The following ROBO3 variants were observed in gnomAD, a reference collection of about 807,000 sequenced individuals.
The protein encoded by ROBO3 is roundabout homolog 3.
A neutral mutation model predicts 160.5 loss-of-function variants in ROBO3; 97 were observed. The observed-to-expected ratio is 0.60, with a 90% CI of 0.51 to 0.72. The LOEUF (loss-of-function observed/expected upper bound fraction) is 0.72. Among genes scored for constraint, ROBO3 ranks in the 30% least tolerant of loss-of-function variants. The probability of loss-of-function intolerance (pLI) is 0.00; values close to 1 mark genes in which losing one functional copy is unlikely to be tolerated. For missense variants in ROBO3, 1,858 were observed against 1,846.5 expected, an observed-to-expected ratio of 1.01 and a Z score of -0.11; for synonymous variants, 780 against 746.2, an observed-to-expected ratio of 1.05 and a Z score of -0.74.
rs1485956683 is a variant in ROBO3 at position 124,877,648 on chromosome 11, A to C, written c.2976A>C (p.Arg992Ser). Residue 992 changes from arginine to serine, a missense_variant, in exon 20 of 28, where the codon AGA (arginine) becomes AGC (serine). Transcript: ENST00000397801. ...CCPSNPDPDDRYYNEAGISLY... is the reference protein window; with the variant it reads ...CCPSNPDPDDSYYNEAGISLY... ...CTAGCAATCCTGACCCGGACGACAG[A>C]TATTACAACGGTGAGGAGTTCTCAT... 1 of 1,611,118 alleles carries C rather than the reference A, an allele frequency of 6.2e-7. No individual in the cohort carries two copies. Among genetic ancestry groups the C allele is most frequent in the Non-Finnish European group, 8.5e-7 (1 of 1,178,790 alleles).
At position 124,877,563 on chromosome 11, in the gene ROBO3, A is replaced by T. The variant is rs369206000; in HGVS notation, c.2891A>T (p.Asp964Val). 6.2e-7 allele frequency: 1 copy of T among 1,602,030 alleles called. No homozygotes were observed. The highest frequency in any genetic ancestry group is 8.5e-7 in the Non-Finnish European group (1 of 1,174,908). Residue 964 changes from aspartate to valine, a missense_variant, in exon 20 of 28, where the codon GAT (aspartate) becomes GTT (valine). Coordinates refer to ENST00000397801, the MANE Select transcript of ROBO3 (RefSeq NM_022370.4). ...LGPAPYSWLA[D>V]SWPHPSRSPS... is the part of the protein sequence containing the mutation. The stretch of plus-strand genomic sequence containing the variant: ...CCCGCCCCCTACTCATGGCTGGCAG[A>T]TTCGTGGCCCCACCCATCTCGAAGC...
rs1046407844 is a variant in ROBO3 at position 124,872,026 on chromosome 11, G to A, written c.1159-355G>A. On this transcript the variant is annotated intron_variant, in intron 7 of 27. Coordinates refer to ENST00000397801, the MANE Select transcript of ROBO3 (RefSeq NM_022370.4). The surrounding 1 kb of genome is among the most constrained non-coding windows in gnomAD (Gnocchi z 4.3). The stretch of plus-strand genomic sequence containing the variant: ...GTTCAAGCAGGAAGAAGAGGAATGT[G>A]TTTACCACAACGTGTTAGAAGACTT... Among the ~76,000 whole-genome samples the A allele has an allele frequency of 1.3e-5, 2 of 152,160 alleles. No individual in the cohort carries two copies. Among genetic ancestry groups the A allele is most frequent in the African/African-American group, 2.4e-5 (1 of 41,436 alleles).
intron 12 of ROBO3, among the ~76,000 whole-genome samples, 190 bp from the exon 13 acceptor site, chr11:124,874,598 C>A (rs116131104): frequency 6.6e-6 from 1 of 152,288 alleles, no homozygotes; most frequent in African/African-American, 2.4e-5. Context: ...TTAAAGGATG[C>A]ATGTGTAATT....
chr11:124,868,852 C>A lies in ROBO3; in HGVS notation c.211C>A (p.Pro71Thr). 6.2e-7 allele frequency: 1 copy of A among 1,610,120 alleles called. No homozygotes were observed. The highest frequency in any genetic ancestry group is 1.1e-5 in the South Asian group (1 of 90,238). The change falls in exon 2 of 28, where the codon CCA (proline) becomes ACA (threonine). Residue 71 changes from proline (P) to threonine (T), a missense_variant. By Grantham distance (38) the Pro-to-Thr change is conservative (BLOSUM62 -1). Transcript: ENST00000397801. ...DAMPRIVEQP[P>T]DLLVSRGEPA... Reference sequence around the variant, plus strand: ...TATGCCCCGCATCGTGGAGCAGCCGCCAGATCTGCTGGTCTCCCGAGGCGA... The same window carrying A: ...TATGCCCCGCATCGTGGAGCAGCCGACAGATCTGCTGGTCTCCCGAGGCGA...
Position 124,876,934 on chromosome 11 carries a change from T to C in ROBO3, c.2780-227T>C. The C allele has an allele frequency of 1.6e-6, 1 of 627,504 alleles. No individual in the cohort carries two copies. The highest frequency in any genetic ancestry group is 1.9e-5 in the South Asian group (1 of 53,592). 38.9% of individuals were successfully genotyped at this position (627,504 alleles called of 1,614,324 possible). On this transcript the variant is annotated intron_variant, in intron 17 of 27. Transcript: ENST00000397801. This position sits in a 1 kb window ranked among gnomAD's most constrained non-coding sequence, Gnocchi z 5.3. ...TGGAGAGATTCTGAGGTGTTTGAGG[T>C]CAGTGGTTTTCAATCTTGGTTGGCT...
Position 124,877,671 on chromosome 11 carries a change from C to T in ROBO3, c.2986+13C>T, listed in dbSNP as rs1158408830. 6.2e-7 allele frequency: 1 copy of T among 1,609,320 alleles called. No homozygotes were observed. Among genetic ancestry groups the T allele is most frequent in the Admixed American group, 1.7e-5 (1 of 59,480 alleles). On this transcript the variant is annotated intron_variant, in intron 20 of 27. Coordinates refer to ENST00000397801, the MANE Select transcript of ROBO3 (RefSeq NM_022370.4). ...AGATATTACAACGGTGAGGAGTTCTCATTCCCTCACCTGGCTTCAGCGCAC... is the reference window on the plus strand; with the variant it reads ...AGATATTACAACGGTGAGGAGTTCTTATTCCCTCACCTGGCTTCAGCGCAC...
At chr11:124,874,940 T>G in intron 13 of ROBO3, 31 bp downstream of exon 13, 1 of 1,592,924 alleles carries the variant, frequency 6.3e-7, no homozygotes, top group Non-Finnish European at 8.6e-7. Context: ...AGATTCAGGG[T>G]GGGGATGATT....
chr11:124,881,359 C>T lies in ROBO3; in HGVS notation c.*109C>T. 1 of 1,109,168 alleles carries T rather than the reference C, an allele frequency of 9.0e-7. No homozygotes were observed. The highest frequency in any genetic ancestry group is 1.3e-6 in the Non-Finnish European group (1 of 752,004). 68.7% of individuals were successfully genotyped at this position (1,109,168 alleles called of 1,614,324 possible). A position where few individuals can be genotyped will look rare whatever the true frequency, so the allele number is the denominator to read the frequency against. ...GGGCTAGCTGAAGCCCATTGGTTTC[C>T]ACGATTTCAATTGGCTGAGAAGGCA... On this transcript the variant is annotated 3_prime_UTR_variant, in exon 28 of 28. Transcript: ENST00000397801.
chr11:124,878,220 C>T lies in ROBO3; in HGVS notation c.3182-78C>T, dbSNP rs1380972382. On this transcript the variant is annotated intron_variant, in intron 21 of 27. Coordinates refer to ENST00000397801, the MANE Select transcript of ROBO3 (RefSeq NM_022370.4). The surrounding 1 kb of genome is among the most constrained non-coding windows in gnomAD (Gnocchi z 4.3). ...CTCCCTGACCCTCTGGCACCTAGCC[C>T]GGCACTTCCTTCTGACCTGTCTCAT... 4 of 1,578,382 alleles carry T rather than the reference C, an allele frequency of 2.5e-6. No homozygotes were observed. Among genetic ancestry groups the T allele is most frequent in the Non-Finnish European group, 3.5e-6 (4 of 1,157,924 alleles).
chr11:124,873,372 C>G lies in ROBO3; in HGVS notation c.1599C>G (p.Ser533Arg), dbSNP rs752023556. 1.2e-6 allele frequency: 2 copies of G among 1,612,172 alleles called. No individual in the cohort carries two copies. Among genetic ancestry groups the G allele is most frequent in the African/African-American group, 1.3e-5 (1 of 74,908 alleles). ...GTTCCACAGGGGAAGCCACATGGAG[C>G]GGCTGGCTTAAGATGCGGGGTGAGT... ...AKSSTGEATW[S>R]GWLKMREDWG... The change falls in exon 10 of 28, where the codon AGC (serine) becomes AGG (arginine). Residue 533 changes from serine to arginine, a missense_variant. Ser to Arg is a moderately radical substitution (Grantham distance 110). Transcript: ENST00000397801. The surrounding 1 kb of genome is among the most constrained non-coding windows in gnomAD (Gnocchi z 4.5).
chr11:124,873,984 G>A lies in ROBO3; in HGVS notation c.1785-86G>A. On this transcript the variant is annotated intron_variant, in intron 11 of 27. Transcript: ENST00000397801. This position sits in a 1 kb window ranked among gnomAD's most constrained non-coding sequence, Gnocchi z 4.5. ...CCCTCTTGCAAGGGGAAGACATAAT[G>A]GTCGTTCATAGAGAGTGGATGAGAT... The A allele has an allele frequency of 2.5e-6, 4 of 1,587,968 alleles. No individual in the cohort carries two copies. The highest frequency in any genetic ancestry group is 1.1e-5 in the South Asian group (1 of 88,876).
In ROBO3 at chr11:124,872,860, G is replaced by A; in HGVS notation, c.1331-24G>A. 1.3e-6 allele frequency: 2 copies of A among 1,559,678 alleles called. No individual in the cohort carries two copies. Among genetic ancestry groups the A allele is most frequent in the Middle Eastern group, 2.4e-4 (1 of 4,224 alleles). ...CGGGGCCCTAAGCTCCTCCCCTGAG[G>A]TGCACACGTTCTTCCTCTCTCAGCC... On this transcript the variant is annotated intron_variant, in intron 8 of 27. Transcript: ENST00000397801. The surrounding 1 kb of genome is among the most constrained non-coding windows in gnomAD (Gnocchi z 4.3).
Position 124,869,428 on chromosome 11 carries a change from C to CGGG in ROBO3, c.488-21_488-20insGGG. On this transcript the variant is annotated intron_variant, in intron 2 of 27. Transcript: ENST00000397801. This position sits in a 1 kb window ranked among gnomAD's most constrained non-coding sequence, Gnocchi z 4.2. ...ATGTCACTCTACACCCTGCTTATTTCGCCCCCCACCGCCCCGCCCAGTCCT... is the reference window on the plus strand; with the variant it reads ...ATGTCACTCTACACCCTGCTTATTTCGGGGCCCCCCACCGCCCCGCCCAGTCCT... The CGGG allele has an allele frequency of 5.1e-6, 7 of 1,383,810 alleles. No homozygotes were observed. Among genetic ancestry groups the CGGG allele is most frequent in the Non-Finnish European group, 5.9e-6 (6 of 1,012,428 alleles). 85.7% of individuals were successfully genotyped at this position (1,383,810 alleles called of 1,614,324 possible).
chr11:124,877,493 C>T, intron 19 of ROBO3, 26 bp from the exon 20 acceptor site: 1 of 1,600,246 alleles, frequency 6.2e-7, no homozygotes, highest in Non-Finnish European at 8.5e-7. Context: ...GCTCTCCGTC[C>T]CCAACGCTCA....
rs4936957 is a variant in ROBO3, at chr11:124,870,092, T to C, written c.766+24T>C. The C allele has an allele frequency of 0.66, 1,072,789 of 1,613,568 alleles. 361,989 individuals carry two copies. The highest frequency in any genetic ancestry group is 0.7 in the Non-Finnish European group (825,455 of 1,179,694). ...GGGTAGGCACAGGGAATTTTGACAT[T>C]ATGGGAACAGGTAGCCTGCAGAGTA... On this transcript the variant is annotated intron_variant, in intron 4 of 27. Transcript: ENST00000397801.
In ROBO3 at chr11:124,872,814, A is replaced by G. The variant is rs1399405645; in HGVS notation, c.1331-70A>G. On this transcript the variant is annotated intron_variant, in intron 8 of 27. Transcript: ENST00000397801. The surrounding 1 kb of genome is among the most constrained non-coding windows in gnomAD (Gnocchi z 4.3). ...GGTAGGGAGGGTGAAGGAGCAGAGA[A>G]TGAGGACAAGGGGCTGCCCGCGGGG... is the stretch of plus-strand genomic sequence containing the variant. The G allele has an allele frequency of 9.2e-6, 12 of 1,310,140 alleles. No individual in the cohort carries two copies. The Admixed American group carries it at 2.2e-4, about 24-fold the overall frequency. 81.2% of individuals were successfully genotyped at this position (1,310,140 alleles called of 1,614,324 possible).
Position 124,876,099 on chromosome 11 carries a change from C to G in ROBO3, c.2567C>G (p.Pro856Arg). The G allele has an allele frequency of 6.2e-7, 1 of 1,605,468 alleles. No individual in the cohort carries two copies. Among genetic ancestry groups the G allele is most frequent in the Non-Finnish European group, 8.5e-7 (1 of 1,178,642 alleles). The change falls in exon 16 of 28, where the codon CCC becomes CGC. Residue 856 changes from proline to arginine, a missense_variant. Coordinates refer to ENST00000397801, the MANE Select transcript of ROBO3 (RefSeq NM_022370.4). This position sits in a 1 kb window ranked among gnomAD's most constrained non-coding sequence, Gnocchi z 5.3. ...AAATSAGVGV[P>R]SAPVLVQLPS... Reference sequence around the variant, plus strand: ...GCCACCAGCGCAGGCGTGGGCGTGCCCAGTGCCCCAGTGCTGGTGCAGCTG... The same window carrying G: ...GCCACCAGCGCAGGCGTGGGCGTGCGCAGTGCCCCAGTGCTGGTGCAGCTG...
Position 124,876,096 on chromosome 11 carries a change from T to A in ROBO3, c.2564T>A (p.Val855Glu). Residue 855 changes from valine to glutamate, a missense_variant, in exon 16 of 28, where the codon GTG becomes GAG. Coordinates refer to ENST00000397801, the MANE Select transcript of ROBO3 (RefSeq NM_022370.4). This position sits in a 1 kb window ranked among gnomAD's most constrained non-coding sequence, Gnocchi z 5.3. ...VAAATSAGVG[V>E]PSAPVLVQLP... ...GCGGCCACCAGCGCAGGCGTGGGCG[T>A]GCCCAGTGCCCCAGTGCTGGTGCAG... is the stretch of plus-strand genomic sequence containing the variant. The A allele has an allele frequency of 6.8e-6, 11 of 1,606,850 alleles. No individual in the cohort carries two copies. Among genetic ancestry groups the A allele is most frequent in the Non-Finnish European group, 9.3e-6 (11 of 1,179,180 alleles).
rs528987236 is a variant in ROBO3 at position 124,878,989 on chromosome 11, C to T, written c.3533+193C>T. 8.3e-4 allele frequency: 624 copies of T among 756,330 alleles called. 2 individuals carry two copies. Among genetic ancestry groups the T allele is most frequent in the Non-Finnish European group, 1.2e-3 (583 of 469,942 alleles). 46.9% of individuals were successfully genotyped at this position (756,330 alleles called of 1,614,324 possible). A position where few individuals can be genotyped will look rare whatever the true frequency, so the allele number is the denominator to read the frequency against. ...AGATCTCTCATGCCCATTAGACTGG[C>T]TCTTGCTGGAGTGGTCAGCACTCTA... On this transcript the variant is annotated intron_variant, in intron 23 of 27. Coordinates refer to ENST00000397801, the MANE Select transcript of ROBO3 (RefSeq NM_022370.4). This position sits in a 1 kb window ranked among gnomAD's most constrained non-coding sequence, Gnocchi z 4.3.
Sources: gnomAD v4.1 joint callset for allele counts (sites outside exome capture counted in the v4.1 genomes callset) on GRCh38, gnomAD v4.1.1 for gene constraint, Gnocchi (gnomAD v3.1) non-coding constraint, MANE v1.5 for transcripts, NCBI Gene and HGNC (gene_info 2026-07-23, HGNC 2026-07-21) for gene names.